Variants in LPP observed in about 807,000 individuals in gnomAD.
The protein encoded by LPP is lipoma-preferred partner.
A neutral mutation model predicts 60.4 loss-of-function variants in LPP; 38 were observed. That is an observed-to-expected ratio of 0.63 (90% confidence interval 0.49 to 0.83). LPP has a LOEUF of 0.83. LPP is among the 40% of genes least tolerant of loss of function. The pLI, the probability that LPP is intolerant of heterozygous loss-of-function variation, is 0.00. For synonymous variants in LPP, 328 were observed against 290.8 expected (o/e 1.13, Z -1.30); for missense variants, 902 against 783.6 (o/e 1.15, Z -1.80).
intron 8 of LPP, among the ~76,000 whole-genome samples, chr3:188,753,487 C>T (rs2150350322): frequency 6.6e-6 from 1 of 151,858 alleles, no homozygotes; most frequent in South Asian, 2.1e-4. Context: ...ACTCAGCCTT[C>T]ACTTCATCTC....
At chr3:188,629,467 A>G (rs1457932357) in intron 7 of LPP, among the ~76,000 whole-genome samples, 1 of 152,122 alleles carries the variant, frequency 6.6e-6, no homozygotes, top group East Asian at 1.9e-4. Context: ...AATCCCATTC[A>G]CAGTAGCCAC....
chr3:188,658,788 C>G (rs1351959950), intron 7 of LPP, among the ~76,000 whole-genome samples: 2 of 152,188 alleles, frequency 1.3e-5, no homozygotes, highest in Non-Finnish European at 2.9e-5. Flanking sequence ...TTGCAGTGTT[C>G]CAGAAGGTGT....
At chr3:188,762,238 T>C (rs1235871828) in intron 9 of LPP, among the ~76,000 whole-genome samples, 3 of 152,176 alleles carry the variant, frequency 2.0e-5, no homozygotes, top group African/African-American at 4.8e-5. Flanking sequence ...GGAAAATTAT[T>C]TACTCTTTCT....
intron 4 of LPP, among the ~76,000 whole-genome samples, chr3:188,437,747 G>A (rs1345259001): frequency 1.3e-5 from 2 of 152,130 alleles, no homozygotes; most frequent in African/African-American, 4.8e-5. Context: ...CTGGTCGTTT[G>A]TGTTATTTCA....
intron 7 of LPP, among the ~76,000 whole-genome samples, chr3:188,689,816 C>T (rs958261072): frequency 1.3e-5 from 2 of 152,090 alleles, no homozygotes; most frequent in Non-Finnish European, 2.9e-5. Context: ...ATTATGCTAC[C>T]TGTTTGTTAG....
chr3:188,197,474 G>A (rs189445312), intron 1 of LPP, among the ~76,000 whole-genome samples: 2 of 152,270 alleles, frequency 1.3e-5, no homozygotes, highest in South Asian at 4.1e-4. Context: ...TTGCTTGTGA[G>A]CTGCCTTGGA....
intron 6 of LPP, among the ~76,000 whole-genome samples, chr3:188,586,732 G>GTTTT (rs11390616): frequency 5.5e-5 from 8 of 144,380 alleles, no homozygotes; most frequent in East Asian, 2.0e-4. Flanking sequence ...CTTAAACATT[G>GTTTT]TTTTTTTTTT....
At chr3:188,602,087 TATAC>T (rs1560619900) in intron 6 of LPP, among the ~76,000 whole-genome samples, 5 of 141,410 alleles carry the variant, frequency 3.5e-5, no homozygotes, top group Non-Finnish European at 7.7e-5. Flanking sequence ...TATATATATA[TATAC>T]ACACACATAT....
At chr3:188,516,592 A>T (rs73890553) in intron 5 of LPP, among the ~76,000 whole-genome samples, 2,948 of 147,622 alleles carry the variant, frequency 0.02, 108 homozygotes, top group African/African-American at 0.069. Context: ...ACCCACCCTT[A>T]CTCCCCCTGC....
chr3:188,599,476 C>G (rs1001325783), intron 6 of LPP, among the ~76,000 whole-genome samples: 5 of 152,026 alleles, frequency 3.3e-5, no homozygotes, highest in Admixed American at 3.3e-4. Flanking sequence ...ACATTGGGGT[C>G]TCTAGAAGTC....
chr3:188,825,632 C>T (rs1426888174), intron 9 of LPP, among the ~76,000 whole-genome samples: 6 of 152,024 alleles, frequency 3.9e-5, no homozygotes, highest in South Asian at 4.2e-4. Flanking sequence ...AGGGGCACCT[C>T]GAAAACTCCC....
At chr3:188,350,448 G>A (rs1285438584) in intron 3 of LPP, among the ~76,000 whole-genome samples, 1 of 152,216 alleles carries the variant, frequency 6.6e-6, no homozygotes, top group East Asian at 1.9e-4. Flanking sequence ...GGACTCGGAA[G>A]CAGGCAAATA....
rs1832589685 is a variant in LPP at position 188,567,959 on chromosome 3, A to G, written c.430-41202A>G. Among the ~76,000 whole-genome samples the G allele has an allele frequency of 2.6e-5, 4 of 152,120 alleles. No homozygotes were observed. In the East Asian group the frequency reaches 7.8e-4, roughly 30 times the overall value. ...GATTACAACAGTCTTTCTAAGTTAG[A>G]TACCACTAATGATATTGATTAGGGA... On this transcript the variant is annotated intron_variant, in intron 6 of 11. Coordinates refer to ENST00000617246, the MANE Select transcript of LPP (RefSeq NM_001375462.1).
rs9833931 is a variant in LPP at position 188,758,343 on chromosome 3, T to C, written c.1241-1770T>C. ...GCCCAGCTATTTTTTGTATTTTTCA[T>C]AGAGATGGGGTTTCACCATGTTGAC... On this transcript the variant is annotated intron_variant, in intron 8 of 11. Coordinates refer to ENST00000617246, the MANE Select transcript of LPP (RefSeq NM_001375462.1). Among the ~76,000 whole-genome samples, 1,051 of 152,198 alleles carry C rather than the reference T, an allele frequency of 6.9e-3. 9 individuals are homozygous for C. The highest frequency in any genetic ancestry group is 8.4e-3 in the Non-Finnish European group (571 of 67,998).
Position 188,254,010 on chromosome 3 carries a change from T to A in LPP, c.-67+28483T>A, listed in dbSNP as rs1248565918. Among the ~76,000 whole-genome samples the A allele has an allele frequency of 2.0e-5, 3 of 152,336 alleles. No homozygotes were observed. The East Asian group carries it at 5.8e-4, about 29-fold the overall frequency. ...TTGGGAAGTTTTGCAAGTAAAGTGC[T>A]ACCTGAGTCAGTGACTGTGTCTTAA... On this transcript the variant is annotated intron_variant, in intron 2 of 11. Coordinates refer to ENST00000617246, the MANE Select transcript of LPP (RefSeq NM_001375462.1).
intron 4 of LPP, among the ~76,000 whole-genome samples, chr3:188,449,149 T>C (rs1441173551): frequency 1.3e-5 from 2 of 152,232 alleles, no homozygotes; most frequent in African/African-American, 4.8e-5. Context: ...GCACGTCTGT[T>C]GACATGATTC....
intron 1 of LPP, among the ~76,000 whole-genome samples, chr3:188,223,156 A>G (rs1439613740): frequency 6.6e-6 from 1 of 152,206 alleles, no homozygotes; most frequent in East Asian, 1.9e-4. Flanking sequence ...CCTAAGATTT[A>G]AAATTCTGCA....
chr3:188,657,883 C>G (rs1359725974), intron 7 of LPP, among the ~76,000 whole-genome samples: 2 of 152,138 alleles, frequency 1.3e-5, no homozygotes, highest in Non-Finnish European at 2.9e-5. Context: ...AGCGTTGGTC[C>G]TCTCTTATAA....
At position 188,609,245 on chromosome 3, in the gene LPP, C is replaced by T. The variant is rs755750591; in HGVS notation, c.514C>T (p.Leu172=). 5 of 1,613,966 alleles carry T rather than the reference C, an allele frequency of 3.1e-6. No individual in the cohort carries two copies. The Admixed American group carries it at 8.3e-5, about 27-fold the overall frequency. ...AATGGTCATCCCGAACCAACCCCCTCTAACAGCAACCAAGAAGTCTACATT... is the reference window on the plus strand; with the variant it reads ...AATGGTCATCCCGAACCAACCCCCTTTAACAGCAACCAAGAAGTCTACATT... ...KRMVIPNQPP[L]TATKKSTLKP... is the part of the protein sequence containing the mutation. The change falls in exon 7 of 12, where the codon CTA becomes TTA. Residue 172 remains leucine (L), a synonymous_variant. Transcript: ENST00000617246. This position sits in a 1 kb window ranked among gnomAD's most constrained non-coding sequence, Gnocchi z 6.9.
Sources: allele counts gnomAD v4.1 joint callset (sites outside exome capture counted in the v4.1 genomes callset), GRCh38; gene constraint gnomAD v4.1.1; non-coding constraint Gnocchi (gnomAD v3.1); transcripts MANE v1.5; gene names NCBI Gene and HGNC (gene_info 2026-07-23, HGNC 2026-07-21).